The following FAM13C variants were observed in gnomAD, a reference collection of about 807,000 sequenced individuals.
FAM13C encodes family with sequence similarity 13 member C.
Under a neutral mutation model 73.2 loss-of-function variants are expected in FAM13C, and 37 were observed. The observed-to-expected ratio is 0.51, with a 90% confidence interval of 0.39 to 0.67. FAM13C has a LOEUF of 0.67. FAM13C is among the 30% of genes least tolerant of loss of function. The pLI is 0.00. For missense variants in FAM13C, 589 were observed against 715.6 expected, an observed-to-expected ratio of 0.82 and a Z score of 2.02; for synonymous variants, 246 against 260.9, an observed-to-expected ratio of 0.94 and a Z score of 0.55.
intron 3 of FAM13C, among the ~76,000 whole-genome samples, chr10:59,329,745 T>G (rs139160280): frequency 1.7e-3 from 266 of 152,316 alleles, no homozygotes; most frequent in Middle Eastern, 3.4e-3. Flanking sequence ...CATTCAATTA[T>G]GCTGTCTATC....
intron 6 of FAM13C, among the ~76,000 whole-genome samples, chr10:59,270,682 C>T (rs544400498): frequency 7.2e-5 from 11 of 152,296 alleles, no homozygotes; most frequent in Admixed American, 7.2e-4. Flanking sequence ...ATGGAAACCA[C>T]AAATTTCAAA....
At chr10:59,302,682 C>T in intron 5 of FAM13C, 119 bp downstream of exon 5, 3 of 886,042 alleles carry the variant, frequency 3.4e-6, no homozygotes, top group Non-Finnish European at 5.3e-6. Flanking sequence ...ATTACAAGTT[C>T]ACTTAAAAGC....
At chr10:59,330,471 C>T (rs1410314004) in intron 3 of FAM13C, among the ~76,000 whole-genome samples, 7 of 152,200 alleles carry the variant, frequency 4.6e-5, no homozygotes, top group Non-Finnish European at 2.9e-5. Flanking sequence ...ATGAGGCATG[C>T]GAGTTTTCAC....
At chr10:59,328,212 T>C (rs1851444057) in intron 3 of FAM13C, among the ~76,000 whole-genome samples, 2 of 152,206 alleles carry the variant, frequency 1.3e-5, no homozygotes, top group African/African-American at 4.8e-5. Context: ...TAATTTAGGC[T>C]ATTTATCTCA....
In FAM13C at chr10:59,264,160, G is replaced by T. The variant is rs1165025189; in HGVS notation, c.949C>A (p.His317Asn). 1 of 1,601,540 alleles carries T rather than the reference G, an allele frequency of 6.2e-7. No homozygotes were observed. The highest frequency in any genetic ancestry group is 1.3e-5 in the African/African-American group (1 of 74,192). Residue 317 changes from histidine (H) to asparagine (N), a missense_variant, in exon 9 of 14, where the codon CAT (histidine) becomes AAT (asparagine). Physicochemically the swap from His to Asn is moderately conservative, Grantham distance 68. Transcript: ENST00000618804. ...TCAGGATTAGAAGTCTTGTCACCAT[G>T]TGAAGGCTACCAAGGGAAGGAAAAA... ...FEQEKKYRPS[H>N]GDKTSNPEVL...
At chr10:59,341,322 C>T (rs12258309) in intron 3 of FAM13C, among the ~76,000 whole-genome samples, 81,585 of 151,924 alleles carry the variant, frequency 0.54, 23,205 homozygotes, top group Middle Eastern at 0.63. Flanking sequence ...CATTACCAAG[C>T]CAAGCAATCA....
rs555689268 is a variant in FAM13C at position 59,278,262 on chromosome 10, C to T, written c.592+5101G>A. 5.3e-5 allele frequency among the ~76,000 whole-genome samples: 8 copies of T among 152,274 alleles called. No individual in the cohort carries two copies. The South Asian group carries it at 8.3e-4, about 16-fold the overall frequency. On this transcript the variant is annotated intron_variant, in intron 6 of 13. Coordinates refer to ENST00000618804, the MANE Select transcript of FAM13C (RefSeq NM_198215.4). ...AGATCTGGGTGGGGACAAAGCCAAA[C>T]CATATCACCAGTTACATCTCCAAGT...
intron 6 of FAM13C, among the ~76,000 whole-genome samples, chr10:59,277,082 C>A (rs1208223239): frequency 1.3e-5 from 2 of 152,124 alleles, no homozygotes; most frequent in South Asian, 2.1e-4. Context: ...AGCTCATAAA[C>A]CATGAAGCAG....
At chr10:59,314,574 C>T (rs748008093) in intron 4 of FAM13C, among the ~76,000 whole-genome samples, 6 of 152,166 alleles carry the variant, frequency 3.9e-5, no homozygotes, top group East Asian at 1.9e-4. Context: ...ATTCAATAGG[C>T]TGGGTTTGGC....
chr10:59,354,514 C>T (rs1855464292), intron 2 of FAM13C, among the ~76,000 whole-genome samples: 1 of 152,120 alleles, frequency 6.6e-6, no homozygotes, highest in Non-Finnish European at 1.5e-5. Flanking sequence ...AGTTGTGTGG[C>T]CTGGGCAACA....
intron 4 of FAM13C, among the ~76,000 whole-genome samples, chr10:59,314,183 C>A (rs1314688831): frequency 1.3e-5 from 2 of 152,152 alleles, no homozygotes; most frequent in East Asian, 1.9e-4. Flanking sequence ...AGAACACTAG[C>A]AGCAAGATAG....
chr10:59,312,720 G>A (rs973595613), intron 4 of FAM13C, among the ~76,000 whole-genome samples: 6 of 152,242 alleles, frequency 3.9e-5, no homozygotes, highest in African/African-American at 9.6e-5. Flanking sequence ...TTGCTGATGC[G>A]ACTTGACACA....
intron 4 of FAM13C, among the ~76,000 whole-genome samples, chr10:59,321,431 C>CTTTTTTTTTTTTT (rs1850255076): frequency 9.1e-6 from 1 of 109,856 alleles, no homozygotes; most frequent in African/African-American, 3.5e-5. Context: ...CCTGCCAACA[C>CTTTTTTTTTTTTT]CTTTTTTTTT....
intron 3 of FAM13C, among the ~76,000 whole-genome samples, chr10:59,351,962 C>A (rs1189879309): frequency 6.6e-6 from 1 of 151,992 alleles, no homozygotes; most frequent in Non-Finnish European, 1.5e-5. Flanking sequence ...CGCCACTGTG[C>A]TCCAGCCTGG....
At chr10:59,288,561 C>T (rs547964691) in intron 5 of FAM13C, among the ~76,000 whole-genome samples, 2 of 152,292 alleles carry the variant, frequency 1.3e-5, no homozygotes, top group South Asian at 4.1e-4. Flanking sequence ...TGTACTCACA[C>T]TAAGCAAGAC....
At chr10:59,334,549 A>G (rs1417850626) in intron 3 of FAM13C, among the ~76,000 whole-genome samples, 1 of 152,218 alleles carries the variant, frequency 6.6e-6, no homozygotes, top group Non-Finnish European at 1.5e-5. Context: ...AAAACGTGCC[A>G]CATATACACC....
chr10:59,290,050 C>T (rs1426108330), intron 5 of FAM13C, among the ~76,000 whole-genome samples: 1 of 152,208 alleles, frequency 6.6e-6, no homozygotes, highest in African/African-American at 2.4e-5. Flanking sequence ...AAGAAAGAAG[C>T]CAGAGAGAAG....
intron 3 of FAM13C, among the ~76,000 whole-genome samples, chr10:59,325,411 A>G (rs1032926444): frequency 2.0e-5 from 3 of 152,218 alleles, no homozygotes; most frequent in African/African-American, 7.2e-5. Flanking sequence ...GGGAAAGAAA[A>G]TAATTAGCCC....
At chr10:59,266,429 G>C (rs1002472535) in intron 8 of FAM13C, among the ~76,000 whole-genome samples, 2 of 152,166 alleles carry the variant, frequency 1.3e-5, no homozygotes, top group Admixed American at 1.3e-4. Context: ...TGGGTGGTAT[G>C]AATTCCACAG....
Sources: allele counts gnomAD v4.1 joint callset (sites outside exome capture counted in the v4.1 genomes callset), GRCh38; gene constraint gnomAD v4.1.1; transcripts MANE v1.5; gene names NCBI Gene and HGNC (gene_info 2026-07-23, HGNC 2026-07-21).